DLGAP1: variants seen among roughly 807,000 people sequenced by gnomAD.
The protein encoded by DLGAP1 is disks large-associated protein 1.
Under a neutral mutation model 90.8 loss-of-function variants are expected in DLGAP1, and 11 were observed. That is an observed-to-expected ratio of 0.12 (90% CI 0.08 to 0.20). DLGAP1 has a LOEUF of 0.20. DLGAP1 is among the 10% of genes least tolerant of loss of function. DLGAP1 has a pLI of 1.00. For missense variants in DLGAP1, 1,050 were observed against 1,333.8 expected, an observed-to-expected ratio of 0.79 and a Z score of 3.31; for synonymous variants, 558 against 540.7, an observed-to-expected ratio of 1.03 and a Z score of -0.44.
intron 1 of DLGAP1, among the ~76,000 whole-genome samples, chr18:4,272,746 A>G (rs1160019683): frequency 6.6e-6 from 1 of 152,164 alleles, no homozygotes; most frequent in African/African-American, 2.4e-5. Context: ...CCCTCAAAAT[A>G]TATGTTCAAG....
chr18:4,296,152 C>T (rs681154), intron 1 of DLGAP1, among the ~76,000 whole-genome samples: 99,291 of 152,110 alleles, frequency 0.65, 34,196 homozygotes, highest in East Asian at 0.81. Flanking sequence ...ATTATGGCCC[C>T]ACCACCCTGC....
intron 2 of DLGAP1, among the ~76,000 whole-genome samples, chr18:4,094,380 C>T (rs572500029): frequency 6.6e-6 from 1 of 152,112 alleles, no homozygotes; most frequent in East Asian, 1.9e-4. Context: ...TTATGTATAA[C>T]ATTGATTGTT....
intron 1 of DLGAP1, among the ~76,000 whole-genome samples, chr18:4,318,358 T>C (rs1422098429): frequency 6.6e-6 from 1 of 152,188 alleles, no homozygotes; most frequent in African/African-American, 2.4e-5. Context: ...ATAAGAATTA[T>C]TAAGATGTGA....
chr18:3,991,854 AT>A (rs1310988821), intron 3 of DLGAP1, among the ~76,000 whole-genome samples: 1 of 152,072 alleles, frequency 6.6e-6, no homozygotes, highest in Non-Finnish European at 1.5e-5. Context: ...ACTTTGATTT[AT>A]TTTTTTGTGT....
chr18:3,694,731 GT>G (rs1262137193), intron 7 of DLGAP1, among the ~76,000 whole-genome samples: 1 of 152,000 alleles, frequency 6.6e-6, no homozygotes, highest in Non-Finnish European at 1.5e-5. Flanking sequence ...TGATGGAGTT[GT>G]TTTTTTCTTG....
chr18:3,971,688 G>A (rs939157028), intron 3 of DLGAP1, among the ~76,000 whole-genome samples: 1 of 152,166 alleles, frequency 6.6e-6, no homozygotes, highest in African/African-American at 2.4e-5. Flanking sequence ...GGATAACATA[G>A]AGAAATATCA....
chr18:4,146,482 T>TAC (rs1442226104), intron 2 of DLGAP1, among the ~76,000 whole-genome samples: 4 of 152,190 alleles, frequency 2.6e-5, no homozygotes, highest in African/African-American at 9.6e-5. Context: ...ATATGATCTG[T>TAC]ACCTTGAAAT....
chr18:3,631,371 C>T (rs2058518464), intron 7 of DLGAP1, among the ~76,000 whole-genome samples: 1 of 152,172 alleles, frequency 6.6e-6, no homozygotes, highest in Non-Finnish European at 1.5e-5. Context: ...TACCCTTAAC[C>T]TTTTCTTAGA....
chr18:3,503,006 T>A (rs1400012542), intron 11 of DLGAP1, among the ~76,000 whole-genome samples: 2 of 151,710 alleles, frequency 1.3e-5, no homozygotes, highest in Non-Finnish European at 2.9e-5. Flanking sequence ...AAAAATACAG[T>A]GTATTATTAT....
At chr18:4,256,075 T>C (rs1184435055) in intron 1 of DLGAP1, among the ~76,000 whole-genome samples, 1 of 152,154 alleles carries the variant, frequency 6.6e-6, no homozygotes, top group Non-Finnish European at 1.5e-5. Flanking sequence ...AACCACTGAC[T>C]CTCCACATTA....
intron 1 of DLGAP1, among the ~76,000 whole-genome samples, chr18:4,327,827 C>T (rs76708788): frequency 0.054 from 8,170 of 151,964 alleles, 368 homozygotes; most frequent in East Asian, 0.18. Flanking sequence ...TCAATAGAAT[C>T]GTATGGGATG....
chr18:3,818,867 T>A (rs924635147), intron 4 of DLGAP1, among the ~76,000 whole-genome samples: 1 of 151,632 alleles, frequency 6.6e-6, no homozygotes, highest in African/African-American at 2.4e-5. Context: ...GTGCTGGGAT[T>A]ACAGGGGTGA....
intron 2 of DLGAP1, among the ~76,000 whole-genome samples, chr18:4,109,178 T>C (rs912439442): frequency 5.9e-5 from 9 of 151,946 alleles, no homozygotes; most frequent in Admixed American, 2.6e-4. Flanking sequence ...ACTCGGGGTG[T>C]CCTTTGGGGA....
intron 5 of DLGAP1, among the ~76,000 whole-genome samples, chr18:3,768,324 T>C (rs978175749): frequency 6.6e-6 from 1 of 152,142 alleles, no homozygotes; most frequent in Non-Finnish European, 1.5e-5. Context: ...TGGAGACACA[T>C]AGCATGTTTA....
At chr18:4,210,140 T>G (rs1228281970) in intron 1 of DLGAP1, among the ~76,000 whole-genome samples, 3 of 152,190 alleles carry the variant, frequency 2.0e-5, no homozygotes, top group African/African-American at 7.2e-5. Context: ...ACGTCCTCTC[T>G]CATGAATTGT....
chr18:3,601,870 G>A (rs1490382979), intron 7 of DLGAP1, among the ~76,000 whole-genome samples: 4 of 78,958 alleles, frequency 5.1e-5, no homozygotes, highest in South Asian at 4.2e-4. Flanking sequence ...TTAGCTGGGC[G>A]TGGTGGCGAG....
intron 3 of DLGAP1, among the ~76,000 whole-genome samples, chr18:3,905,366 CAAAAAAAAA>C (rs71160924): frequency 0.048 from 960 of 19,848 alleles, 16 homozygotes; most frequent in African/African-American, 0.15. Flanking sequence ...GACTCCATCT[CAAAAAAAAA>C]AAAAAAAAAA....
At chr18:4,013,022 T>C (rs988497630) in intron 2 of DLGAP1, among the ~76,000 whole-genome samples, 2 of 152,184 alleles carry the variant, frequency 1.3e-5, no homozygotes, top group African/African-American at 2.4e-5. Context: ...TATTCTTCTA[T>C]TGTGATTGCA....
chr18:3,857,920 C>T (rs1380530404), intron 4 of DLGAP1, among the ~76,000 whole-genome samples: 1 of 152,090 alleles, frequency 6.6e-6, no homozygotes, highest in East Asian at 1.9e-4. Flanking sequence ...TTGATACTCT[C>T]AAGATACAGT....
Sources: allele counts gnomAD v4.1 joint callset (sites outside exome capture counted in the v4.1 genomes callset), GRCh38; gene constraint gnomAD v4.1.1; transcripts MANE v1.5; gene names NCBI Gene and HGNC (gene_info 2026-07-23, HGNC 2026-07-21).